XPO4: variants seen among roughly 807,000 people sequenced by gnomAD.
The protein encoded by XPO4 is exportin-4.
Under a neutral mutation model 143.0 loss-of-function variants are expected in XPO4, and 39 were observed. The ratio of observed to expected loss-of-function variants is 0.27; its 90% CI spans 0.21 to 0.36. The LOEUF (loss-of-function observed/expected upper bound fraction) is 0.36, where lower values mean the gene tolerates loss of function less well. Ranked by LOEUF, XPO4 falls within the 10% of genes least tolerant of loss-of-function variation. The pLI, the probability that XPO4 is intolerant of heterozygous loss-of-function variation, is 1.00. For synonymous variants in XPO4, 439 were observed against 474.0 expected (o/e 0.93, Z 0.96); for missense variants, 907 against 1,348.0 (o/e 0.67, Z 5.12).
chr13:20,815,068 AT>A (rs549412290), intron 9 of XPO4, among the ~76,000 whole-genome samples: 4 of 152,226 alleles, frequency 2.6e-5, no homozygotes, highest in Non-Finnish European at 5.9e-5. Context: ...AGAGATTAAA[AT>A]CTAACAACAC....
chr13:20,819,596 GT>G (rs1414244076), intron 9 of XPO4, among the ~76,000 whole-genome samples: 5 of 151,998 alleles, frequency 3.3e-5, no homozygotes, highest in Admixed American at 3.3e-4. Flanking sequence ...TGAGGCAGAG[GT>G]TGCAGTGAGC....
intron 13 of XPO4, among the ~76,000 whole-genome samples, chr13:20,806,836 C>T (rs2059513973): frequency 6.6e-6 from 1 of 152,000 alleles, no homozygotes; most frequent in African/African-American, 2.4e-5. Context: ...CAGGCGTGAG[C>T]CACTGCGCCT....
At chr13:20,808,090 T>G (rs2059530677) in intron 12 of XPO4, among the ~76,000 whole-genome samples, 1 of 152,110 alleles carries the variant, frequency 6.6e-6, no homozygotes, top group Non-Finnish European at 1.5e-5. Flanking sequence ...CTCTAAAAAT[T>G]AATAGCAGTG....
intron 22 of XPO4, among the ~76,000 whole-genome samples, chr13:20,784,879 C>T (rs1390645959): frequency 6.6e-6 from 1 of 151,956 alleles, no homozygotes; most frequent in African/African-American, 2.4e-5. Flanking sequence ...GAGGTTGAGG[C>T]TGCAGTGAGC....
Position 20,787,025 on chromosome 13 carries a change from G to A in XPO4, c.3198C>T (p.His1066=), listed in dbSNP as rs749730744. 3 of 1,566,972 alleles carry A rather than the reference G, an allele frequency of 1.9e-6. No homozygotes were observed. Among genetic ancestry groups the A allele is most frequent in the Middle Eastern group, 3.3e-4 (2 of 6,000 alleles). Residue 1066 remains histidine, a synonymous_variant, in exon 22 of 23, where the codon CAC becomes CAT. Transcript: ENST00000255305. The part of the protein sequence containing the change: ...LVFDMLVLQK[H]NTEMTTAAGE... ...CAGCCGCAGTGGTCATCTCTGTGTT[G>A]TGCTTTTGCAAAACCAGCATATCAA...
At chr13:20,890,990 G>A (rs944126384) in intron 1 of XPO4, among the ~76,000 whole-genome samples, 7 of 151,506 alleles carry the variant, frequency 4.6e-5, no homozygotes, top group Non-Finnish European at 1.0e-4. Context: ...GGTGGTGCAC[G>A]CCTGTAATCC....
rs895731582 is a variant in XPO4, at chr13:20,784,961, G to A, written c.3259-1042C>T. ...TGTCTCACTGCAACCTCTGTTTCCT[G>A]GGTTCAAGTGATCCTCCTACCTCAG... On this transcript the variant is annotated intron_variant, in intron 22 of 22. Transcript: ENST00000255305. 8.1e-4 allele frequency among the ~76,000 whole-genome samples: 123 copies of A among 152,236 alleles called. 1 individual carries two copies. The highest frequency in any genetic ancestry group is 2.7e-3 in the African/African-American group (114 of 41,540).
intron 1 of XPO4, among the ~76,000 whole-genome samples, chr13:20,881,276 T>A (rs916860325): frequency 6.7e-6 from 1 of 150,284 alleles, no homozygotes; most frequent in African/African-American, 2.4e-5. Flanking sequence ...TTACAATAAT[T>A]TTTTTTTTTT....
intron 3 of XPO4, chr13:20,857,909 A>G: frequency 4.1e-6 from 4 of 985,188 alleles, no homozygotes; most frequent in Non-Finnish European, 4.8e-6. Context: ...AATTAAGAGG[A>G]AAAAATAAAA....
chr13:20,863,933 T>C (rs1481708441), intron 2 of XPO4, among the ~76,000 whole-genome samples: 1 of 152,174 alleles, frequency 6.6e-6, no homozygotes, highest in Non-Finnish European at 1.5e-5. Flanking sequence ...ACAAGTGTTC[T>C]TGACACATTT....
At chr13:20,889,154 G>T (rs1241252378) in intron 1 of XPO4, among the ~76,000 whole-genome samples, 1 of 137,938 alleles carries the variant, frequency 7.2e-6, no homozygotes, top group South Asian at 2.2e-4. Flanking sequence ...GTAGCCACTA[G>T]ACATGAGACT....
chr13:20,841,650 C>T, intron 6 of XPO4, among the ~76,000 whole-genome samples: 1 of 152,042 alleles, frequency 6.6e-6, no homozygotes, highest in East Asian at 1.9e-4. Flanking sequence ...CTTTACCTGA[C>T]AGAGCCCTTC....
intron 1 of XPO4, among the ~76,000 whole-genome samples, chr13:20,888,719 A>C (rs1183137345): frequency 1.3e-5 from 2 of 152,072 alleles, no homozygotes; most frequent in African/African-American, 4.8e-5. Flanking sequence ...TTCATTTCCC[A>C]ATCATAATGA....
intron 16 of XPO4, among the ~76,000 whole-genome samples, chr13:20,798,096 T>C (rs2059382276): frequency 6.6e-6 from 1 of 151,702 alleles, no homozygotes; most frequent in African/African-American, 2.4e-5. Context: ...TGAGCCAAGA[T>C]CACACCACTG....
chr13:20,872,408 C>G (rs1277103857), intron 1 of XPO4, among the ~76,000 whole-genome samples: 1 of 152,168 alleles, frequency 6.6e-6, no homozygotes, highest in Non-Finnish European at 1.5e-5. Context: ...TTGCTGCCCC[C>G]TACCCTTCCT....
intron 6 of XPO4, among the ~76,000 whole-genome samples, chr13:20,829,274 T>C (rs952658471): frequency 1.1e-4 from 16 of 152,194 alleles, no homozygotes; most frequent in Non-Finnish European, 1.9e-4. Context: ...TCATACTTCA[T>C]AAAAATTTAA....
intron 16 of XPO4, 71 bp from the exon 17 acceptor site, chr13:20,797,128 T>A: frequency 7.1e-7 from 1 of 1,413,782 alleles, no homozygotes; most frequent in Non-Finnish European, 9.5e-7. Flanking sequence ...TGGATACATA[T>A]TCACTTTCCA....
chr13:20,891,417 T>A (rs56962371), intron 1 of XPO4, among the ~76,000 whole-genome samples: 2 of 152,182 alleles, frequency 1.3e-5, no homozygotes, highest in Admixed American at 6.5e-5. Flanking sequence ...ATTTGATACA[T>A]TAAAGTACAA....
At chr13:20,859,059 C>T (rs1299351957) in intron 3 of XPO4, among the ~76,000 whole-genome samples, 2 of 151,696 alleles carry the variant, frequency 1.3e-5, no homozygotes, top group Non-Finnish European at 2.9e-5. Flanking sequence ...GGGCCAGGTA[C>T]GGTGGTTCAT....
Sources: gnomAD v4.1 joint callset for allele counts (sites outside exome capture counted in the v4.1 genomes callset) on GRCh38, gnomAD v4.1.1 for gene constraint, MANE v1.5 for transcripts, NCBI Gene and HGNC (gene_info 2026-07-23, HGNC 2026-07-21) for gene names.